Variants in KARS1 observed in about 807,000 individuals in gnomAD.
The protein encoded by KARS1 is lysine--tRNA ligase.
Under a neutral mutation model 63.9 loss-of-function variants are expected in KARS1, and 50 were observed. The ratio of observed to expected loss-of-function variants is 0.78; its 90% CI spans 0.62 to 0.99. KARS1 has a LOEUF of 0.99. KARS1 is among the 50% of genes least tolerant of loss of function. The pLI is 0.00. For missense variants in KARS1, 816 were observed against 754.5 expected, an observed-to-expected ratio of 1.08 and a Z score of -0.95; for synonymous variants, 320 against 264.6, an observed-to-expected ratio of 1.21 and a Z score of -2.03.
In KARS1 at chr16:75,631,121, A is replaced by G. The variant is rs7189895; in HGVS notation, c.1338+47T>C. 539,186 of 1,478,614 alleles carry G rather than the reference A, an allele frequency of 0.36. 112,513 individuals carry two copies. The highest frequency in any genetic ancestry group is 0.88 in the East Asian group (38,360 of 43,710). The allele number at this position is 1,478,614 out of a possible 1,614,324, so 91.6% of individuals were successfully genotyped here. On this transcript the variant is annotated intron_variant, in intron 10 of 13. Transcript: ENST00000302445. ...TCATTTTCCCAGGGAAGAGGGAACC[A>G]TTCAGCACCAGATGAGGACATGTAC...
chr16:75,642,185 CTTTTTTTTTTTT>C (rs148991591), intron 1 of KARS1, among the ~76,000 whole-genome samples: 9 of 63,202 alleles, frequency 1.4e-4, no homozygotes, highest in African/African-American at 2.8e-4. Flanking sequence ...AGTGCCAGGT[CTTTTTTTTTTTT>C]TTTTTTTTTT....
At chr16:75,634,877 A>G (rs2082147002) in intron 6 of KARS1, among the ~76,000 whole-genome samples, 1 of 152,124 alleles carries the variant, frequency 6.6e-6, no homozygotes, top group Non-Finnish European at 1.5e-5. Flanking sequence ...GCCCGGCCCA[A>G]TTCCCAGTAT....
chr16:75,643,888 C>T (rs1311800388), intron 1 of KARS1, among the ~76,000 whole-genome samples: 1 of 152,194 alleles, frequency 6.6e-6, no homozygotes, highest in Non-Finnish European at 1.5e-5. Flanking sequence ...TCCACTCAAC[C>T]AGGTGCTCCT....
chr16:75,634,757 A>T (rs1282821031), intron 6 of KARS1, among the ~76,000 whole-genome samples: 1 of 152,026 alleles, frequency 6.6e-6, no homozygotes, highest in Non-Finnish European at 1.5e-5. Context: ...TTGTGTTTTT[A>T]GTAGAGACAG....
intron 2 of KARS1, 84 bp downstream of exon 2, chr16:75,641,480 T>TTGGG: frequency 8.2e-7 from 1 of 1,213,468 alleles, no homozygotes; most frequent in Non-Finnish European, 1.2e-6. Flanking sequence ...TGGTCCCTCC[T>TTGGG]ACTGTCCAGT....
rs760948024 is a variant in KARS1, at chr16:75,629,476, T to A, written c.1490A>T (p.Asn497Ile). The A allele has an allele frequency of 6.2e-7, 1 of 1,614,194 alleles. No homozygotes were observed. Among genetic ancestry groups the A allele is most frequent in the Admixed American group, 1.7e-5 (1 of 60,024 alleles). Residue 497 changes from asparagine to isoleucine, a missense_variant, in exon 12 of 14, where the codon AAT (asparagine) becomes ATT (isoleucine). Physicochemically the swap from Asn to Ile is moderately radical, Grantham distance 149 (BLOSUM62 -3). Coordinates refer to ENST00000302445, the MANE Select transcript of KARS1 (RefSeq NM_005548.3). Reference sequence around the variant, plus strand: ...GGGATCATTCAGCTCAGTATACGCATTGCATATCTCTTTCTTCATGACAAA... The same window carrying A: ...GGGATCATTCAGCTCAGTATACGCAATGCATATCTCTTTCTTCATGACAAA... The part of the protein sequence containing the change: ...ELFVMKKEIC[N>I]AYTELNDPMR...
chr16:75,633,847 G>T, intron 7 of KARS1: 3 of 359,330 alleles, frequency 8.3e-6, no homozygotes, highest in Non-Finnish European at 1.6e-5. Flanking sequence ...TCCACAGACA[G>T]ATTAGGCTCT....
intron 1 of KARS1, among the ~76,000 whole-genome samples, chr16:75,643,307 G>A (rs181722805): frequency 6.6e-6 from 1 of 152,098 alleles, no homozygotes; most frequent in East Asian, 1.9e-4. Flanking sequence ...TCTGGCTTCA[G>A]GACACATCCT....
intron 3 of KARS1, among the ~76,000 whole-genome samples, chr16:75,639,475 G>C (rs1449887613): frequency 6.7e-6 from 1 of 150,100 alleles, no homozygotes; most frequent in Non-Finnish European, 1.5e-5. Context: ...GGGAGGCTGA[G>C]GCAAGAGAAT....
chr16:75,637,930 A>T (rs1281444829), intron 3 of KARS1, among the ~76,000 whole-genome samples: 1 of 151,822 alleles, frequency 6.6e-6, no homozygotes, highest in Non-Finnish European at 1.5e-5. Context: ...AGACCCAAAA[A>T]AAGTGAGGAA....
intron 1 of KARS1, among the ~76,000 whole-genome samples, chr16:75,645,145 T>C (rs1026985820): frequency 2.6e-5 from 4 of 152,226 alleles, no homozygotes; most frequent in Non-Finnish European, 4.4e-5. Context: ...AAATGGTGCT[T>C]ACTAAAAATT....
rs2233808 is a variant in KARS1 at position 75,647,656 on chromosome 16, A to G, written c.-17T>C. The G allele has an allele frequency of 7.4e-6, 12 of 1,613,376 alleles. No homozygotes were observed. In the East Asian group the frequency reaches 1.6e-4, roughly 21 times the overall value. ...GGCCGCCATCTTCCCGGAGGGCCCGACCCAAAAGTAAGGAGGATAGTACGT... is the reference window on the plus strand; with the variant it reads ...GGCCGCCATCTTCCCGGAGGGCCCGGCCCAAAAGTAAGGAGGATAGTACGT... On this transcript the variant is annotated 5_prime_UTR_variant, in exon 1 of 14. Transcript: ENST00000302445.
At chr16:75,630,088 A>C (rs1306115981) in intron 11 of KARS1, among the ~76,000 whole-genome samples, 2 of 152,196 alleles carry the variant, frequency 1.3e-5, no homozygotes, top group African/African-American at 4.8e-5. Context: ...ATGGGTTATC[A>C]CCAGAGGCTT....
At chr16:75,633,022 G>T (rs747609821) in intron 7 of KARS1, among the ~76,000 whole-genome samples, 4 of 152,218 alleles carry the variant, frequency 2.6e-5, no homozygotes, top group South Asian at 4.2e-4. Context: ...TGGCCCTCTT[G>T]GGGGGAGGTT....
At chr16:75,643,934 G>C (rs1029425213) in intron 1 of KARS1, among the ~76,000 whole-genome samples, 6 of 152,104 alleles carry the variant, frequency 3.9e-5, no homozygotes, top group African/African-American at 1.4e-4. Context: ...AATCCAAAAA[G>C]GTCCTAGGGA....
At chr16:75,643,170 G>A (rs1185764372) in intron 1 of KARS1, among the ~76,000 whole-genome samples, 1 of 152,142 alleles carries the variant, frequency 6.6e-6, no homozygotes, top group East Asian at 1.9e-4. Flanking sequence ...AAACAGATTG[G>A]TGTAGGGAGG....
intron 3 of KARS1, among the ~76,000 whole-genome samples, chr16:75,639,503 C>T (rs1249278615): frequency 1.5e-5 from 2 of 137,124 alleles, no homozygotes; most frequent in East Asian, 4.1e-4. Flanking sequence ...ACCTGGGGGG[C>T]AGAGGTTGCA....
rs1332982421 is a variant in KARS1, at chr16:75,636,680, C to CT, written c.389-134dup. ...ACAGAGTCTTGCTCTGTTGCCCAGG[C>CT]TGGAGTGCAGTGGCACGATCTCAGC... On this transcript the variant is annotated intron_variant, in intron 3 of 13. Coordinates refer to ENST00000302445, the MANE Select transcript of KARS1 (RefSeq NM_005548.3). The CT allele has an allele frequency of 5.0e-6, 3 of 602,798 alleles. No homozygotes were observed. The African/African-American group carries it at 5.6e-5, about 11-fold the overall frequency. 37.3% of individuals were successfully genotyped at this position (602,798 alleles called of 1,614,324 possible). A position where few individuals can be genotyped will look rare whatever the true frequency, so the allele number is the denominator to read the frequency against.
intron 6 of KARS1, 143 bp downstream of exon 6, chr16:75,635,537 G>C (rs2082152072): frequency 2.1e-6 from 2 of 956,262 alleles, no homozygotes; most frequent in Non-Finnish European, 3.3e-6. Context: ...AGGTAGAACA[G>C]AGACGATGGC....
Sources: allele counts gnomAD v4.1 joint callset (sites outside exome capture counted in the v4.1 genomes callset), GRCh38; gene constraint gnomAD v4.1.1; transcripts MANE v1.5; gene names NCBI Gene and HGNC (gene_info 2026-07-23, HGNC 2026-07-21).